Variants in SACS observed in about 807,000 individuals in gnomAD.
SACS encodes sacsin.
SACS carries 197 observed loss-of-function variants against 348.0 expected under a neutral mutation model. That is an observed-to-expected ratio of 0.57 (90% CI 0.50 to 0.64). SACS has a LOEUF of 0.64. Among genes scored for constraint, SACS ranks in the 30% least tolerant of loss-of-function variants. SACS has a pLI of 0.00. For missense variants in SACS, 4,999 were observed against 5,360.8 expected (o/e 0.93, Z 2.11); for synonymous variants, 1,985 against 1,910.6 (o/e 1.04, Z -1.02).
At position 23,334,594 on chromosome 13, in the gene SACS, G is replaced by A. The variant is rs951069966; in HGVS notation, c.9282C>T (p.Thr3094=). 3.7e-6 allele frequency: 6 copies of A among 1,613,366 alleles called. No homozygotes were observed. The highest frequency in any genetic ancestry group is 5.1e-6 in the Non-Finnish European group (6 of 1,179,710). ...TTAAAAAAGATCTGATATCAGCAGGGGTCACATAACTAACAGGAATATCTG... is the reference window on the plus strand; with the variant it reads ...TTAAAAAAGATCTGATATCAGCAGGAGTCACATAACTAACAGGAATATCTG... ...IDADIPVSYV[T]PADIRSFLMT... The change falls in exon 10 of 10, where the codon ACC becomes ACT. Residue 3094 remains threonine (T), a synonymous_variant. Coordinates refer to ENST00000382292, the MANE Select transcript of SACS (RefSeq NM_014363.6).
rs141090308 is a variant in SACS at position 23,347,872 on chromosome 13, G to A, written c.2185+5913C>T. Among the ~76,000 whole-genome samples the A allele has an allele frequency of 2.0e-3, 304 of 152,224 alleles. 2 individuals carry two copies. Among genetic ancestry groups the A allele is most frequent in the African/African-American group, 6.8e-3 (283 of 41,536 alleles). On this transcript the variant is annotated intron_variant, in intron 9 of 9. Coordinates refer to ENST00000382292, the MANE Select transcript of SACS (RefSeq NM_014363.6). Reference sequence around the variant, plus strand: ...AAAAAGCATGGAACTAAGGGAAGGAGATTAAAAATAGCAAATATCAATAGA... The same window carrying A: ...AAAAAGCATGGAACTAAGGGAAGGAAATTAAAAATAGCAAATATCAATAGA...
At chr13:23,398,490 C>T (rs1391588653) in intron 2 of SACS, among the ~76,000 whole-genome samples, 5 of 147,290 alleles carry the variant, frequency 3.4e-5, no homozygotes, top group Non-Finnish European at 5.9e-5. Flanking sequence ...GCCGAGATGG[C>T]ACCATTACAC....
intron 2 of SACS, chr13:23,375,591 C>T (rs1000844904): frequency 1.6e-5 from 16 of 1,015,820 alleles, no homozygotes; most frequent in South Asian, 4.6e-5. Flanking sequence ...GCCCTGCAGG[C>T]GCCGCCCGCG....
rs779638203 is a variant in SACS, at chr13:23,333,414, G to T, written c.10462C>A (p.Leu3488Ile). 3.1e-6 allele frequency: 5 copies of T among 1,609,844 alleles called. No individual in the cohort carries two copies. In the East Asian group the frequency reaches 8.9e-5, roughly 29 times the overall value. The change falls in exon 10 of 10, where the codon CTC (leucine) becomes ATC (isoleucine). Residue 3488 changes from leucine (L) to isoleucine (I), a missense_variant. Physicochemically the swap from Leu to Ile is conservative, Grantham distance 5 (BLOSUM62 2). This residue lies in a region of SACS where 734 missense variants were observed against 694.0 expected (regional missense o/e 1.06). Coordinates refer to ENST00000382292, the MANE Select transcript of SACS (RefSeq NM_014363.6). Reference protein sequence around the residue: ...LKHLLPKIENLSYDAKLEHLI... With the variant: ...LKHLLPKIENISYDAKLEHLI... ...TGCTCTAATTTTGCATCATAAGAGA[G>T]ATTTTCAATTTTTGGTAAGAGGTGT...
At chr13:23,433,220 ACAG>A (rs946559224) in intron 1 of SACS, among the ~76,000 whole-genome samples, 15 of 152,292 alleles carry the variant, frequency 9.8e-5, no homozygotes, top group African/African-American at 2.9e-4. Context: ...TGTTACTGCA[ACAG>A]CTCCATTGTG....
In SACS at chr13:23,340,060, G is replaced by C. The variant is rs2137632367; in HGVS notation, c.3816C>G (p.Ala1272=). Residue 1272 remains alanine (A), a synonymous_variant, in exon 10 of 10, where the codon GCC becomes GCG. Coordinates refer to ENST00000382292, the MANE Select transcript of SACS (RefSeq NM_014363.6). ...HLNEGKDSFR[A]LKFPWVWTGK... The stretch of plus-strand genomic sequence containing the variant: ...CAGTCCAAACCCATGGAAATTTTAA[G>C]GCTCTAAAAGAATCTTTCCCTTCAT... 5 of 1,613,962 alleles carry C rather than the reference G, an allele frequency of 3.1e-6. No homozygotes were observed. The highest frequency in any genetic ancestry group is 1.7e-6 in the Non-Finnish European group (2 of 1,179,966).
chr13:23,352,023 G>T (rs1036925605), intron 9 of SACS, among the ~76,000 whole-genome samples: 1 of 152,092 alleles, frequency 6.6e-6, no homozygotes, highest in African/African-American at 2.4e-5. Context: ...TAACAGGTTT[G>T]CCCCATCCAC....
In SACS at chr13:23,354,748, G is replaced by T. The variant is rs751931256; in HGVS notation, c.1864C>A (p.Pro622Thr). 1.9e-6 allele frequency: 3 copies of T among 1,613,898 alleles called. No homozygotes were observed. Among genetic ancestry groups the T allele is most frequent in the Non-Finnish European group, 2.5e-6 (3 of 1,179,838 alleles). ...VQLTAASGTT[P>T]VRKVTPAWVR... ...CACGCGGGCGTCACCTTCCTCACAG[G>T]TGTTGTGCCAGAGGCAGCTGTGAGC... Residue 622 changes from proline to threonine, a missense_variant, in exon 8 of 10, where the codon CCT becomes ACT. Pro to Thr is a conservative substitution (Grantham distance 38). Around this residue, in one of 6 missense-constraint regions of SACS, gnomAD observed 3,156 missense variants for 3,380.1 expected, o/e 0.93. Transcript: ENST00000382292.
chr13:23,398,581 G>A (rs1387218493), intron 2 of SACS, among the ~76,000 whole-genome samples: 1 of 151,806 alleles, frequency 6.6e-6, no homozygotes, highest in African/African-American at 2.4e-5. Flanking sequence ...CAGAAAGGTG[G>A]AACAACTCAA....
In SACS at chr13:23,353,782, T is replaced by C; in HGVS notation, c.2185+3A>G. The C allele has an allele frequency of 6.5e-7, 1 of 1,531,600 alleles. No individual in the cohort carries two copies. The highest frequency in any genetic ancestry group is 2.3e-5 in the East Asian group (1 of 44,436). The allele number at this position is 1,531,600 out of a possible 1,614,324, so 94.9% of individuals were successfully genotyped here. The stretch of plus-strand genomic sequence containing the variant: ...TATTTAAAAGAATACTAAACTATAA[T>C]ACCTCGGGTTTGGGCAGCTTCCTTT... On this transcript the variant is annotated splice_donor_region_variant and intron_variant, in intron 9 of 9. Coordinates refer to ENST00000382292, the MANE Select transcript of SACS (RefSeq NM_014363.6).
Position 23,339,904 on chromosome 13 carries a change from T to C in SACS, c.3972A>G (p.Ile1324Met). 6.2e-7 allele frequency: 1 copy of C among 1,614,086 alleles called. No individual in the cohort carries two copies. Among genetic ancestry groups the C allele is most frequent in the Non-Finnish European group, 8.5e-7 (1 of 1,179,970 alleles). ...FHQLFKVCGS[I>M]EELTSDHISM... ...AAATATGATCTGATGTCAACTCCTC[T>C]ATTGAACCACAGACCTTAAATAGTT... The change falls in exon 10 of 10, where the codon ATA (isoleucine) becomes ATG (methionine). Residue 1324 changes from isoleucine (I) to methionine (M), a missense_variant. This residue lies in a region of SACS where 3,156 missense variants were observed against 3,380.1 expected (regional missense o/e 0.93). Coordinates refer to ENST00000382292, the MANE Select transcript of SACS (RefSeq NM_014363.6).
chr13:23,394,679 C>T (rs1249912720), intron 2 of SACS, among the ~76,000 whole-genome samples: 1 of 152,176 alleles, frequency 6.6e-6, no homozygotes, highest in Non-Finnish European at 1.5e-5. Context: ...CATGGTGAAA[C>T]CCCATCTCTG....
intron 9 of SACS, among the ~76,000 whole-genome samples, chr13:23,351,244 T>C (rs552718251): frequency 4.5e-4 from 69 of 152,182 alleles, no homozygotes; most frequent in Non-Finnish European, 8.8e-4. Flanking sequence ...CTAATTTTTG[T>C]CTGGAACACA....
chr13:23,349,947 G>A (rs1173055056), intron 9 of SACS, among the ~76,000 whole-genome samples: 1 of 152,192 alleles, frequency 6.6e-6, no homozygotes, highest in Non-Finnish European at 1.5e-5. Flanking sequence ...ACTTTCATGG[G>A]AGTGGATGAA....
In SACS at chr13:23,355,300, A is replaced by T; in HGVS notation, c.1312T>A (p.Ser438Thr). The change falls in exon 8 of 10, where the codon TCT becomes ACT. Residue 438 changes from serine (S) to threonine (T), a missense_variant. Coordinates refer to ENST00000382292, the MANE Select transcript of SACS (RefSeq NM_014363.6). ...SRDDEAKGAT[S>T]DFSGKAFCFL... ...CAAAATGCTTTTCCTGAGAAATCAG[A>T]CGTTGCTCCTTTTGCTTCATCATCT... 6.2e-7 allele frequency: 1 copy of T among 1,614,142 alleles called. No individual in the cohort carries two copies. Among genetic ancestry groups the T allele is most frequent in the South Asian group, 1.1e-5 (1 of 91,078 alleles).
Position 23,332,425 on chromosome 13 carries a change from A to G in SACS, c.11451T>C (p.Tyr3817=). The G allele has an allele frequency of 6.2e-7, 1 of 1,613,998 alleles. No homozygotes were observed. Among genetic ancestry groups the G allele is most frequent in the Non-Finnish European group, 8.5e-7 (1 of 1,179,932 alleles). ...KPEEVVINLE[Y]ESDFKPYLYK... ...ACAAATAAGGTTTAAAATCAGATTCATATTCTAGGTTTATGACTACCTCCT... is the reference window on the plus strand; with the variant it reads ...ACAAATAAGGTTTAAAATCAGATTCGTATTCTAGGTTTATGACTACCTCCT... Residue 3817 remains tyrosine (Y), a synonymous_variant, in exon 10 of 10, where the codon TAT becomes TAC. Coordinates refer to ENST00000382292, the MANE Select transcript of SACS (RefSeq NM_014363.6).
At chr13:23,386,368 T>C (rs1872291374) in intron 2 of SACS, among the ~76,000 whole-genome samples, 1 of 152,240 alleles carries the variant, frequency 6.6e-6, no homozygotes. Context: ...CTTGCACTTT[T>C]ATGTTATAAA....
chr13:23,339,409 A>G lies in SACS; in HGVS notation c.4467T>C (p.Asn1489=). Residue 1489 remains asparagine, a synonymous_variant, in exon 10 of 10, where the codon AAT becomes AAC. Coordinates refer to ENST00000382292, the MANE Select transcript of SACS (RefSeq NM_014363.6). ...KELLQNADDA[N]ATECSFLIDM... ...CAATCAAGAAACTGCATTCTGTTGC[A>G]TTTGCATCATCAGCGTTTTGAAGTA... The G allele has an allele frequency of 6.2e-7, 1 of 1,610,318 alleles. No individual in the cohort carries two copies. Among genetic ancestry groups the G allele is most frequent in the Non-Finnish European group, 8.5e-7 (1 of 1,178,670 alleles).
chr13:23,410,418 G>A (rs186667881), intron 2 of SACS, among the ~76,000 whole-genome samples: 58 of 152,282 alleles, frequency 3.8e-4, no homozygotes, highest in African/African-American at 1.3e-3. Flanking sequence ...TGTCTAATGG[G>A]TAACAATTTT....
Sources: allele counts gnomAD v4.1 joint callset (sites outside exome capture counted in the v4.1 genomes callset), GRCh38; gene constraint gnomAD v4.1.1; regional missense constraint gnomAD v4.1.1; transcripts MANE v1.5; gene names NCBI Gene and HGNC (gene_info 2026-07-23, HGNC 2026-07-21).